LAMA3: variants seen among roughly 807,000 people sequenced by gnomAD.
LAMA3 encodes the protein laminin subunit alpha 3, also known as laminin subunit alpha-3.
LAMA3 carries 281 observed loss-of-function variants against 402.0 expected under a neutral mutation model. The observed-to-expected ratio is 0.70, with a 90% CI of 0.63 to 0.77. The LOEUF is 0.77. Ranked by LOEUF, LAMA3 falls within the 30% of genes least tolerant of loss-of-function variation. The pLI is 0.00. For missense variants in LAMA3, 3,840 were observed against 4,215.5 expected (o/e 0.91, Z 2.47); for synonymous variants, 1,431 against 1,558.4 (o/e 0.92, Z 1.93).
intron 20 of LAMA3, 40 bp from the exon 21 acceptor site, chr18:23,824,383 A>G (rs1362473664): frequency 1.2e-6 from 2 of 1,609,570 alleles, no homozygotes; most frequent in South Asian, 1.1e-5. Flanking sequence ...ACACTGACTG[A>G]TAGAAAAATG....
At chr18:23,691,268 C>T (rs1300773148) in intron 1 of LAMA3, among the ~76,000 whole-genome samples, 1 of 151,958 alleles carries the variant, frequency 6.6e-6, no homozygotes, top group Non-Finnish European at 1.5e-5. Context: ...AAACTACATG[C>T]ATGTATTATA....
intron 11 of LAMA3, among the ~76,000 whole-genome samples, chr18:23,782,425 C>G (rs531304102): frequency 2.0e-5 from 3 of 152,018 alleles, no homozygotes; most frequent in Non-Finnish European, 4.4e-5. Flanking sequence ...ATGTGGCACA[C>G]GCCTGTAATC....
At position 23,867,939 on chromosome 18, in the gene LAMA3, G is replaced by A. The variant is rs201345245; in HGVS notation, c.4767+22G>A. On this transcript the variant is annotated intron_variant, in intron 37 of 74. Coordinates refer to ENST00000313654, the MANE Select transcript of LAMA3 (RefSeq NM_198129.4). ...CGAGGTAAAGGAAGAGCAACCATAG[G>A]ATGGTCCTTTCTGTTTTGTGACTTA... 8.9e-5 allele frequency: 141 copies of A among 1,588,636 alleles called. No homozygotes were observed. In the African/African-American group the frequency reaches 1.8e-3, roughly 20 times the overall value.
At chr18:23,945,917 AC>A (rs770802650) in intron 69 of LAMA3, among the ~76,000 whole-genome samples, 6 of 148,556 alleles carry the variant, frequency 4.0e-5, no homozygotes, top group Non-Finnish European at 8.9e-5. Context: ...CTTCTAAGCA[AC>A]CTTTTTTTTT....
At chr18:23,790,523 G>A (rs904497575) in intron 12 of LAMA3, among the ~76,000 whole-genome samples, 1 of 152,200 alleles carries the variant, frequency 6.6e-6, no homozygotes, top group African/African-American at 2.4e-5. Flanking sequence ...GATTTTATCT[G>A]TGCTTCTGAG....
At chr18:23,846,959 T>A (rs2063829756) in intron 31 of LAMA3, among the ~76,000 whole-genome samples, 1 of 152,212 alleles carries the variant, frequency 6.6e-6, no homozygotes, top group Admixed American at 6.5e-5. Context: ...GGGACCTTTA[T>A]CTCAGAACCA....
At chr18:23,903,200 T>G in intron 49 of LAMA3, 75 bp downstream of exon 49, 1 of 920,896 alleles carries the variant, frequency 1.1e-6, no homozygotes, top group African/African-American at 1.6e-5. Context: ...TGAAATGGGC[T>G]GACCTACTTT....
At chr18:23,871,727 C>G in intron 38 of LAMA3, 66 bp downstream of exon 38, 2 of 1,312,042 alleles carry the variant, frequency 1.5e-6, no homozygotes, top group Non-Finnish European at 2.1e-6. Flanking sequence ...GGCTGCTGTC[C>G]AGCACTGTGG....
At chr18:23,761,717 A>G (rs1288901928) in intron 7 of LAMA3, among the ~76,000 whole-genome samples, 1 of 152,228 alleles carries the variant, frequency 6.6e-6, no homozygotes, top group African/African-American at 2.4e-5. Flanking sequence ...TTTGACAGTG[A>G]AATTTTATTT....
At chr18:23,781,193 A>G (rs2062429791) in intron 11 of LAMA3, 14 of 414,468 alleles carry the variant, frequency 3.4e-5, no homozygotes, top group South Asian at 2.1e-4. Context: ...TAACGCCAAG[A>G]CTGTAATTCA....
At chr18:23,704,540 G>C (rs1203920898) in intron 1 of LAMA3, among the ~76,000 whole-genome samples, 1 of 152,234 alleles carries the variant, frequency 6.6e-6, no homozygotes, top group Non-Finnish European at 1.5e-5. Context: ...GTAAAGCACA[G>C]TGTTCCTTTG....
intron 66 of LAMA3, chr18:23,932,687 C>T (rs2082197523): frequency 5.0e-6 from 1 of 200,990 alleles, no homozygotes; most frequent in African/African-American, 2.3e-5. Context: ...CAAATCACCA[C>T]AATGTTGAAC....
At chr18:23,915,558 A>G (rs1471025497) in intron 59 of LAMA3, 136 bp downstream of exon 59, 1 of 795,558 alleles carries the variant, frequency 1.3e-6, no homozygotes, top group Non-Finnish European at 2.2e-6. Flanking sequence ...TTCTTCAAGT[A>G]TGTGTGCATG....
intron 37 of LAMA3, 57 bp downstream of exon 37, chr18:23,867,974 G>C (rs2064407276): frequency 7.7e-7 from 1 of 1,300,664 alleles, no homozygotes; most frequent in Non-Finnish European, 1.1e-6. Flanking sequence ...AATTATTTCA[G>C]ACAATCATGA....
intron 1 of LAMA3, among the ~76,000 whole-genome samples, chr18:23,698,352 G>A (rs971792513): frequency 9.2e-5 from 14 of 151,902 alleles, no homozygotes; most frequent in Admixed American, 4.6e-4. Flanking sequence ...GACTACAGGC[G>A]CCTGCCATCA....
chr18:23,720,919 G>T (rs2061200466), intron 2 of LAMA3, among the ~76,000 whole-genome samples: 2 of 152,128 alleles, frequency 1.3e-5, no homozygotes, highest in Admixed American at 1.3e-4. Flanking sequence ...CACTTTGGGA[G>T]GCCAAGGTGG....
intron 65 of LAMA3, chr18:23,931,530 T>A (rs1021385294): frequency 4.3e-6 from 1 of 234,280 alleles, no homozygotes; most frequent in African/African-American, 2.3e-5. Context: ...ATAAATAAAA[T>A]TTTAAAAATA....
At position 23,880,542 on chromosome 18, in the gene LAMA3, C is replaced by T. The variant is rs189724547; in HGVS notation, c.5113-1394C>T. 1.2e-4 allele frequency among the ~76,000 whole-genome samples: 18 copies of T among 152,266 alleles called. No individual in the cohort carries two copies. In the East Asian group the frequency reaches 1.7e-3, roughly 15 times the overall value. The stretch of plus-strand genomic sequence containing the variant: ...AAGCCATGTCTTCTTGGGATATAAA[C>T]GTATATTGCTTTTCCCAATCTACCT... On this transcript the variant is annotated intron_variant, in intron 39 of 74. Transcript: ENST00000313654.
At chr18:23,898,564 T>C in intron 44 of LAMA3, 174 bp from the exon 45 acceptor site, 1 of 625,330 alleles carries the variant, frequency 1.6e-6, no homozygotes, top group South Asian at 1.9e-5. Flanking sequence ...CATATCACAA[T>C]GTACATCAGA....
Sources: gnomAD v4.1 joint callset for allele counts (sites outside exome capture counted in the v4.1 genomes callset) on GRCh38, gnomAD v4.1.1 for gene constraint, MANE v1.5 for transcripts, NCBI Gene and HGNC (gene_info 2026-07-23, HGNC 2026-07-21) for gene names.